SMYD3: variants seen among roughly 807,000 people sequenced by gnomAD.
SMYD3 encodes the protein histone-lysine N-methyltransferase SMYD3.
SMYD3 carries 36 observed loss-of-function variants against 57.7 expected under a neutral mutation model. The ratio of observed to expected loss-of-function variants is 0.62; its 90% confidence interval spans 0.48 to 0.82. The LOEUF (loss-of-function observed/expected upper bound fraction) is 0.82, where lower values mean the gene tolerates loss of function less well. Ranked by LOEUF, SMYD3 falls within the 40% of genes least tolerant of loss-of-function variation. The probability of loss-of-function intolerance (pLI) is 0.00; values close to 1 mark genes in which losing one functional copy is unlikely to be tolerated. For missense variants in SMYD3, 515 were observed against 538.8 expected (o/e 0.96, Z 0.44); for synonymous variants, 211 against 195.0 (o/e 1.08, Z -0.68).
chr1:246,215,805 G>A lies in SMYD3; in HGVS notation c.531+111396C>T, dbSNP rs192396474. Among the ~76,000 whole-genome samples the A allele has an allele frequency of 3.7e-4, 56 of 152,210 alleles. 1 individual carries two copies. The highest frequency in any genetic ancestry group is 1.3e-3 in the African/African-American group (52 of 41,476). On this transcript the variant is annotated intron_variant, in intron 5 of 11. Coordinates refer to ENST00000490107, the MANE Select transcript of SMYD3 (RefSeq NM_001167740.2). Reference sequence around the variant, plus strand: ...TGGGGTGTAATCCTGCCTGAGATGAGTCCACTGACACGACAAAAATCTAAA... The same window carrying A: ...TGGGGTGTAATCCTGCCTGAGATGAATCCACTGACACGACAAAAATCTAAA...
At chr1:245,757,005 AT>A (rs1485993102) in intron 11 of SMYD3, among the ~76,000 whole-genome samples, 1 of 152,086 alleles carries the variant, frequency 6.6e-6, no homozygotes. Flanking sequence ...AATAGTTACC[AT>A]TTTAACTATT....
chr1:246,247,503 CAT>C lies in SMYD3; in HGVS notation c.531+79696_531+79697del, dbSNP rs150218563. Among the ~76,000 whole-genome samples, 38 of 144,062 alleles carry C rather than the reference CAT, an allele frequency of 2.6e-4. No homozygotes were observed. The South Asian group carries it at 3.4e-3, about 13-fold the overall frequency. The allele number at this position is 144,062 out of a possible 152,430, so 94.5% of individuals were successfully genotyped here. A position where few individuals can be genotyped will look rare whatever the true frequency, so the allele number is the denominator to read the frequency against. ...TATATATATTTTTTAACATGGGACTCATATATATATATATACACACGAGTTAA... is the reference window on the plus strand; with the variant it reads ...TATATATATTTTTTAACATGGGACTCATATATATATATACACACGAGTTAA... On this transcript the variant is annotated intron_variant, in intron 5 of 11. Transcript: ENST00000490107.
chr1:245,896,411 C>CAAAAAA (rs2053801622), intron 8 of SMYD3, among the ~76,000 whole-genome samples: 1 of 80,898 alleles, frequency 1.2e-5, no homozygotes, highest in African/African-American at 7.2e-5. Context: ...AAAAAACAGG[C>CAAAAAA]AATGATCTCC....
chr1:245,969,728 A>G (rs1184517005), intron 5 of SMYD3, among the ~76,000 whole-genome samples: 1 of 152,232 alleles, frequency 6.6e-6, no homozygotes. Flanking sequence ...TTGTTTTGAA[A>G]TTCAAACTAC....
At chr1:246,462,479 G>C (rs903438918) in intron 1 of SMYD3, among the ~76,000 whole-genome samples, 3 of 152,082 alleles carry the variant, frequency 2.0e-5, no homozygotes, top group Non-Finnish European at 4.4e-5. Flanking sequence ...GTGTCCACTG[G>C]TAATTGTACA....
At chr1:246,109,536 C>T (rs944914418) in intron 5 of SMYD3, among the ~76,000 whole-genome samples, 1 of 152,170 alleles carries the variant, frequency 6.6e-6, no homozygotes, top group Non-Finnish European at 1.5e-5. Context: ...TTAAAAATTG[C>T]CCCCTGCAGC....
At chr1:246,059,174 C>G (rs1198644387) in intron 5 of SMYD3, among the ~76,000 whole-genome samples, 2 of 152,188 alleles carry the variant, frequency 1.3e-5, no homozygotes, top group African/African-American at 2.4e-5. Context: ...CCGCACCCGG[C>G]CCACAACTCC....
chr1:246,044,150 A>G (rs1286369624), intron 5 of SMYD3, among the ~76,000 whole-genome samples: 2 of 152,208 alleles, frequency 1.3e-5, no homozygotes, highest in Non-Finnish European at 2.9e-5. Context: ...AGTTCTACGA[A>G]TAAAGACCAA....
chr1:245,932,731 T>A (rs903310654), intron 5 of SMYD3, among the ~76,000 whole-genome samples: 1 of 152,108 alleles, frequency 6.6e-6, no homozygotes, highest in Non-Finnish European at 1.5e-5. Context: ...ACTAATTTTT[T>A]AAAACTTTTT....
intron 10 of SMYD3, among the ~76,000 whole-genome samples, chr1:245,817,307 G>C (rs535436007): frequency 1.4e-5 from 2 of 142,924 alleles, no homozygotes; most frequent in Admixed American, 7.1e-5. Context: ...CACATGGCAG[G>C]GTATTCCAAC....
chr1:246,221,036 C>A (rs1395590020), intron 5 of SMYD3, among the ~76,000 whole-genome samples: 1 of 151,742 alleles, frequency 6.6e-6, no homozygotes, highest in Non-Finnish European at 1.5e-5. Flanking sequence ...CCCTCTCTGC[C>A]TAGAGCTGCA....
At chr1:246,493,212 G>T (rs576504187) in intron 1 of SMYD3, among the ~76,000 whole-genome samples, 3 of 144,134 alleles carry the variant, frequency 2.1e-5, no homozygotes, top group South Asian at 2.5e-4. Context: ...TAGCTACTGG[G>T]GGGGAGGAGA....
At chr1:246,034,795 G>A (rs1228232098) in intron 5 of SMYD3, among the ~76,000 whole-genome samples, 1 of 152,080 alleles carries the variant, frequency 6.6e-6, no homozygotes, top group Admixed American at 6.5e-5. Flanking sequence ...GGAGGACCGC[G>A]GCAATCCTTA....
At chr1:246,134,072 A>AAG (rs954996454) in intron 5 of SMYD3, among the ~76,000 whole-genome samples, 3 of 152,172 alleles carry the variant, frequency 2.0e-5, no homozygotes, top group Admixed American at 2.0e-4. Flanking sequence ...ACCTTCAGAT[A>AAG]AGATGACATT....
intron 10 of SMYD3, among the ~76,000 whole-genome samples, chr1:245,817,585 G>A (rs564634187): frequency 7.9e-5 from 12 of 151,996 alleles, no homozygotes; most frequent in East Asian, 1.9e-4. Flanking sequence ...GGCTTCAGAC[G>A]ATCAAATTAC....
At chr1:246,054,267 A>T (rs1264426530) in intron 5 of SMYD3, among the ~76,000 whole-genome samples, 1 of 152,188 alleles carries the variant, frequency 6.6e-6, no homozygotes, top group Non-Finnish European at 1.5e-5. Flanking sequence ...GACTGACACT[A>T]CCAGGTCTTG....
chr1:246,055,529 A>G (rs2060137158), intron 5 of SMYD3, among the ~76,000 whole-genome samples: 1 of 152,268 alleles, frequency 6.6e-6, no homozygotes, highest in African/African-American at 2.4e-5. Context: ...CTGAAAGCAC[A>G]GATTCAAATA....
intron 5 of SMYD3, among the ~76,000 whole-genome samples, chr1:246,101,821 T>C (rs1373040401): frequency 6.6e-6 from 1 of 152,252 alleles, no homozygotes; most frequent in East Asian, 1.9e-4. Flanking sequence ...ATAAATTGCC[T>C]CTTTCTGTCT....
At chr1:246,171,404 G>A (rs1487608609) in intron 5 of SMYD3, among the ~76,000 whole-genome samples, 1 of 152,086 alleles carries the variant, frequency 6.6e-6, no homozygotes, top group African/African-American at 2.4e-5. Flanking sequence ...GAGGGATGGG[G>A]GTAGGGAGTG....
Sources: gnomAD v4.1 joint callset for allele counts (sites outside exome capture counted in the v4.1 genomes callset) on GRCh38, gnomAD v4.1.1 for gene constraint, MANE v1.5 for transcripts, NCBI Gene and HGNC (gene_info 2026-07-23, HGNC 2026-07-21) for gene names.